KDM4C: variants seen among roughly 807,000 people sequenced by gnomAD.
KDM4C encodes the protein lysine demethylase 4C.
Under a neutral mutation model 129.3 loss-of-function variants are expected in KDM4C, and 81 were observed. That is an observed-to-expected ratio of 0.63 (90% CI 0.52 to 0.75). KDM4C has a LOEUF of 0.75. KDM4C is among the 30% of genes least tolerant of loss of function. The pLI is 0.00. For synonymous variants in KDM4C, 573 were observed against 456.1 expected, an observed-to-expected ratio of 1.26 and a Z score of -3.26; for missense variants, 1,457 against 1,304.0, an observed-to-expected ratio of 1.12 and a Z score of -1.81.
chr9:7,164,358 C>CAAAA (rs752269587), intron 19 of KDM4C, among the ~76,000 whole-genome samples: 3 of 150,126 alleles, frequency 2.0e-5, no homozygotes, highest in East Asian at 2.0e-4. Flanking sequence ...CTTAAAAAAA[C>CAAAA]AAAAAGCACC....
At chr9:6,750,731 AAGAC>A (rs1396485824) in intron 1 of KDM4C, among the ~76,000 whole-genome samples, 10 of 152,258 alleles carry the variant, frequency 6.6e-5, no homozygotes, top group Non-Finnish European at 1.2e-4. Context: ...CAGAAAGTGA[AAGAC>A]AGAGAAGGCA....
At chr9:6,892,035 A>G (rs1215744044) in intron 7 of KDM4C, among the ~76,000 whole-genome samples, 1 of 152,226 alleles carries the variant, frequency 6.6e-6, no homozygotes, top group East Asian at 1.9e-4. Flanking sequence ...TTTTATTATC[A>G]GAGCTAGCAG....
chr9:6,976,931 T>C (rs181788928), intron 8 of KDM4C, among the ~76,000 whole-genome samples: 3 of 152,154 alleles, frequency 2.0e-5, no homozygotes, highest in African/African-American at 4.8e-5. Flanking sequence ...TCTAGAGATA[T>C]GATATCTACT....
At position 7,056,744 on chromosome 9, in the gene KDM4C, G is replaced by A. The variant is rs552851686; in HGVS notation, c.2424+7544G>A. On this transcript the variant is annotated intron_variant, in intron 17 of 21. Transcript: ENST00000381309. ...ACTTCAGATAATTCATGATTAAAGA[G>A]TATTGTGAAAAAGTAATCTTATTTT... is the stretch of plus-strand genomic sequence containing the variant. 1.2e-4 allele frequency among the ~76,000 whole-genome samples: 18 copies of A among 152,292 alleles called. No homozygotes were observed. The East Asian group carries it at 2.3e-3, about 20-fold the overall frequency.
At chr9:7,034,299 G>T (rs1412511724) in intron 15 of KDM4C, among the ~76,000 whole-genome samples, 1 of 152,158 alleles carries the variant, frequency 6.6e-6, no homozygotes, top group Admixed American at 6.5e-5. Context: ...CAGAAATATA[G>T]AACTTAGTCC....
Position 6,956,812 on chromosome 9 carries a change from G to C in KDM4C, c.922-24113G>C, listed in dbSNP as rs142563818. ...CTGGCATGCTTTATGTTTTTTGGTA[G>C]CAGAATCTTTCTTTTATCAAGGCAT... is the stretch of plus-strand genomic sequence containing the variant. On this transcript the variant is annotated intron_variant, in intron 8 of 21. Coordinates refer to ENST00000381309, the MANE Select transcript of KDM4C (RefSeq NM_015061.6). 4.4e-3 allele frequency among the ~76,000 whole-genome samples: 669 copies of C among 152,278 alleles called. 5 individuals carry two copies. The highest frequency in any genetic ancestry group is 7.9e-3 in the Non-Finnish European group (538 of 68,028).
intron 8 of KDM4C, among the ~76,000 whole-genome samples, chr9:6,946,252 G>C (rs934539779): frequency 6.6e-6 from 1 of 152,086 alleles, no homozygotes; most frequent in African/African-American, 2.4e-5. Flanking sequence ...GATATGTAAA[G>C]TGGGGTTCTG....
chr9:6,894,293 G>T (rs574129237), intron 8 of KDM4C, among the ~76,000 whole-genome samples: 11 of 152,338 alleles, frequency 7.2e-5, no homozygotes, highest in African/African-American at 2.6e-4. Context: ...AAAGCCCCTG[G>T]TATTAGAAGA....
chr9:6,900,278 C>T (rs1023071450), intron 8 of KDM4C, among the ~76,000 whole-genome samples: 4 of 152,106 alleles, frequency 2.6e-5, no homozygotes, highest in Admixed American at 2.6e-4. Flanking sequence ...TAGGTTTGCC[C>T]CCAATGTCCT....
chr9:7,106,502 A>T (rs1160167370), intron 18 of KDM4C, among the ~76,000 whole-genome samples: 1 of 152,236 alleles, frequency 6.6e-6, no homozygotes. Flanking sequence ...GAAATGAAGT[A>T]TAAACCTACT....
At chr9:7,037,418 A>G (rs532294162) in intron 15 of KDM4C, among the ~76,000 whole-genome samples, 9 of 152,316 alleles carry the variant, frequency 5.9e-5, no homozygotes, top group East Asian at 5.8e-4. Flanking sequence ...ATAATGAACA[A>G]CTGTGACAGC....
At chr9:6,903,977 C>G (rs185920440) in intron 8 of KDM4C, among the ~76,000 whole-genome samples, 1 of 152,230 alleles carries the variant, frequency 6.6e-6, no homozygotes, top group Non-Finnish European at 1.5e-5. Context: ...CGGTGGCTCA[C>G]GTCTGTAATC....
At chr9:7,174,130 C>T (rs1212244041) in intron 21 of KDM4C, among the ~76,000 whole-genome samples, 1 of 152,102 alleles carries the variant, frequency 6.6e-6, no homozygotes, top group African/African-American at 2.4e-5. Flanking sequence ...GAAGGTGTCA[C>T]AGGAATTAGC....
intron 3 of KDM4C, among the ~76,000 whole-genome samples, chr9:6,810,471 G>A (rs1830942936): frequency 2.6e-5 from 4 of 151,996 alleles, no homozygotes; most frequent in Admixed American, 6.6e-5. Context: ...GACATTCTGG[G>A]GTTTAGAGAT....
Position 7,140,031 on chromosome 9 carries a change from A to G in KDM4C, c.2781+11795A>G, listed in dbSNP as rs141008234. On this transcript the variant is annotated intron_variant, in intron 19 of 21. Coordinates refer to ENST00000381309, the MANE Select transcript of KDM4C (RefSeq NM_015061.6). ...TTCACCTCTTGACTTGGGATCTTAT[A>G]CACTGACATACTTCTGGGGCATTGC... Among the ~76,000 whole-genome samples the G allele has an allele frequency of 3.4e-3, 513 of 152,346 alleles. 6 individuals are homozygous for G. The highest frequency in any genetic ancestry group is 0.012 in the African/African-American group (488 of 41,570).
intron 12 of KDM4C, among the ~76,000 whole-genome samples, chr9:7,005,042 C>A (rs7048885): frequency 0.24 from 36,669 of 152,066 alleles, 4,997 homozygotes; most frequent in Middle Eastern, 0.37. Flanking sequence ...GATTAATTGA[C>A]AAAGGCTTGA....
chr9:6,992,453 A>G (rs1442542862), intron 12 of KDM4C, among the ~76,000 whole-genome samples: 1 of 152,222 alleles, frequency 6.6e-6, no homozygotes, highest in Non-Finnish European at 1.5e-5. Flanking sequence ...CTAATATGTT[A>G]AGGACCCCTG....
chr9:6,840,557 T>A (rs1836731732), intron 4 of KDM4C, among the ~76,000 whole-genome samples: 1 of 152,036 alleles, frequency 6.6e-6, no homozygotes, highest in South Asian at 2.1e-4. Flanking sequence ...CCACCACGCC[T>A]GGCTAATTTT....
intron 8 of KDM4C, among the ~76,000 whole-genome samples, chr9:6,918,207 G>T (rs1231750196): frequency 6.6e-6 from 1 of 152,138 alleles, no homozygotes; most frequent in Non-Finnish European, 1.5e-5. Context: ...AGTGTCTACA[G>T]TTCCCATCTT....
Sources: gnomAD v4.1 joint callset for allele counts (sites outside exome capture counted in the v4.1 genomes callset) on GRCh38, gnomAD v4.1.1 for gene constraint, MANE v1.5 for transcripts, NCBI Gene and HGNC (gene_info 2026-07-23, HGNC 2026-07-21) for gene names.